OSBPL1A: variants seen among roughly 807,000 people sequenced by gnomAD.
The protein encoded by OSBPL1A is oxysterol-binding protein-related protein 1.
A neutral mutation model predicts 137.1 loss-of-function variants in OSBPL1A; 80 were observed. The ratio of observed to expected loss-of-function variants is 0.58; its 90% CI spans 0.49 to 0.70. OSBPL1A has a LOEUF of 0.70. Ranked by LOEUF, OSBPL1A falls within the 30% of genes least tolerant of loss-of-function variation. OSBPL1A has a pLI of 0.00. For missense variants in OSBPL1A, 970 were observed against 1,129.4 expected (o/e 0.86, Z 2.02); for synonymous variants, 365 against 389.7 (o/e 0.94, Z 0.75).
intron 5 of OSBPL1A, 76 bp from the exon 6 acceptor site, chr18:24,334,406 C>A: frequency 1.6e-6 from 2 of 1,222,256 alleles, no homozygotes; most frequent in South Asian, 1.6e-5. Context: ...ATAAAGTGAT[C>A]ATGATGAGAA....
chr18:24,235,363 T>A (rs996242406), intron 16 of OSBPL1A, among the ~76,000 whole-genome samples: 2 of 152,178 alleles, frequency 1.3e-5, no homozygotes, highest in African/African-American at 4.8e-5. Flanking sequence ...TATGACCCAT[T>A]TGCAGATGAA....
intron 14 of OSBPL1A, among the ~76,000 whole-genome samples, chr18:24,301,942 A>G (rs1164953461): frequency 6.6e-6 from 1 of 152,208 alleles, no homozygotes; most frequent in Admixed American, 6.5e-5. Context: ...AAAATAGTTA[A>G]TCATGGCCGG....
rs1233264916 is a variant in OSBPL1A, at chr18:24,250,174, G to GTTTTTTTT, written c.1282-10793_1282-10792insAAAAAAAA. Among the ~76,000 whole-genome samples, 377 of 75,256 alleles carry GTTTTTTTT rather than the reference G, an allele frequency of 5.0e-3. 15 individuals are homozygous for GTTTTTTTT. Among genetic ancestry groups the GTTTTTTTT allele is most frequent in the Non-Finnish European group, 7.1e-3 (274 of 38,772 alleles). The allele number at this position is 75,256 out of a possible 152,430, so 49.4% of individuals were successfully genotyped here. A position where few individuals can be genotyped will look rare whatever the true frequency, so the allele number is the denominator to read the frequency against. ...TGTGTTTTTGTTTGTTTGTTTGTTT[G>GTTTTTTTT]TTTGTTTGTTTGTTTTTTTTGACAT... On this transcript the variant is annotated intron_variant, in intron 15 of 27. Transcript: ENST00000319481.
chr18:24,195,631 C>A (rs1304368794), intron 18 of OSBPL1A, among the ~76,000 whole-genome samples: 1 of 152,124 alleles, frequency 6.6e-6, no homozygotes, highest in East Asian at 1.9e-4. Flanking sequence ...TCAAGGGAAT[C>A]CAAGGATTTC....
At chr18:24,311,690 A>G (rs1285245599) in intron 13 of OSBPL1A, among the ~76,000 whole-genome samples, 1 of 152,234 alleles carries the variant, frequency 6.6e-6, no homozygotes, top group Non-Finnish European at 1.5e-5. Context: ...TCCTCGCAGC[A>G]ACTTTCAAAC....
At chr18:24,252,115 C>T (rs12454363) in intron 15 of OSBPL1A, among the ~76,000 whole-genome samples, 3,944 of 151,630 alleles carry the variant, frequency 0.026, 75 homozygotes, top group Non-Finnish European at 0.039. Flanking sequence ...TGTTACTGGC[C>T]CTAAAGAGGA....
chr18:24,171,819 T>G (rs568149097), intron 22 of OSBPL1A, among the ~76,000 whole-genome samples: 1 of 152,328 alleles, frequency 6.6e-6, no homozygotes, highest in East Asian at 1.9e-4. Context: ...AGATTGGAAT[T>G]AAGGTTCACA....
Position 24,266,892 on chromosome 18 carries a change from TAATA to T in OSBPL1A, c.1281+13946_1281+13949del, listed in dbSNP as rs536200219. On this transcript the variant is annotated intron_variant, in intron 15 of 27. Coordinates refer to ENST00000319481, the MANE Select transcript of OSBPL1A (RefSeq NM_080597.4). Reference sequence around the variant, plus strand: ...TTATCCAGGTTCAAAAGACAGAGGATAATAAATGTTCTAAAGAAAAAAATAAAAC... The same window carrying T: ...TTATCCAGGTTCAAAAGACAGAGGATAATGTTCTAAAGAAAAAAATAAAAC... 5.1e-3 allele frequency among the ~76,000 whole-genome samples: 774 copies of T among 152,180 alleles called. 6 individuals carry two copies. Among genetic ancestry groups the T allele is most frequent in the African/African-American group, 0.017 (707 of 41,532 alleles).
intron 20 of OSBPL1A, among the ~76,000 whole-genome samples, chr18:24,178,423 T>G (rs931290983): frequency 1.3e-5 from 2 of 151,890 alleles, no homozygotes; most frequent in African/African-American, 4.8e-5. Context: ...TCTCGACTAA[T>G]TGGGATTACA....
chr18:24,303,854 A>T (rs1221040590), intron 13 of OSBPL1A, 136 bp from the exon 14 acceptor site: 1 of 618,712 alleles, frequency 1.6e-6, no homozygotes, highest in Non-Finnish European at 2.8e-6. Context: ...AAAGAAAAGA[A>T]AAAGGTGAGA....
At chr18:24,252,419 T>C (rs2089123250) in intron 15 of OSBPL1A, among the ~76,000 whole-genome samples, 2 of 152,050 alleles carry the variant, frequency 1.3e-5, no homozygotes, top group South Asian at 4.1e-4. Flanking sequence ...AGTGGTGTGA[T>C]ATATTTAAAG....
chr18:24,267,738 T>TA (rs1010792843), intron 15 of OSBPL1A, among the ~76,000 whole-genome samples: 11 of 151,518 alleles, frequency 7.3e-5, no homozygotes, highest in Admixed American at 1.3e-4. Flanking sequence ...CCTTTAATGA[T>TA]AAAAAAAATT....
chr18:24,188,918 T>TA (rs1241143780), intron 18 of OSBPL1A, among the ~76,000 whole-genome samples: 2 of 152,346 alleles, frequency 1.3e-5, no homozygotes, highest in East Asian at 3.9e-4. Flanking sequence ...ATTCTCTAGA[T>TA]AATGTATACA....
At chr18:24,239,006 A>C (rs1017272999) in intron 16 of OSBPL1A, among the ~76,000 whole-genome samples, 3 of 152,238 alleles carry the variant, frequency 2.0e-5, no homozygotes, top group African/African-American at 4.8e-5. Flanking sequence ...ATAGGCAGAG[A>C]CTGTGATGAA....
At chr18:24,298,645 G>A (rs1161395689) in intron 14 of OSBPL1A, among the ~76,000 whole-genome samples, 1 of 152,084 alleles carries the variant, frequency 6.6e-6, no homozygotes, top group Non-Finnish European at 1.5e-5. Flanking sequence ...GCGCCTGGCC[G>A]CCCTGAAATC....
intron 7 of OSBPL1A, among the ~76,000 whole-genome samples, chr18:24,328,218 AT>A (rs564798076): frequency 0.019 from 920 of 48,588 alleles, 15 homozygotes; most frequent in African/African-American, 0.076. Flanking sequence ...AATTTTTTGT[AT>A]TTTTTTTTTT....
chr18:24,233,278 A>T (rs745862969), intron 16 of OSBPL1A, among the ~76,000 whole-genome samples: 61 of 152,202 alleles, frequency 4.0e-4, no homozygotes, highest in Admixed American at 1.1e-3. Flanking sequence ...ACTAATTTTC[A>T]TCTGCCCCCT....
chr18:24,336,593 T>C (rs2091179632), intron 5 of OSBPL1A, among the ~76,000 whole-genome samples: 1 of 152,244 alleles, frequency 6.6e-6, no homozygotes, highest in Non-Finnish European at 1.5e-5. Context: ...TCAATAAATA[T>C]TCCTAAAGCA....
intron 15 of OSBPL1A, among the ~76,000 whole-genome samples, chr18:24,279,956 A>AT (rs144544349): frequency 0.29 from 44,229 of 150,752 alleles, 7,790 homozygotes; most frequent in Middle Eastern, 0.43. Flanking sequence ...TCTCTGGCTG[A>AT]TTTTTTTTTG....
Sources: allele counts gnomAD v4.1 joint callset (sites outside exome capture counted in the v4.1 genomes callset), GRCh38; gene constraint gnomAD v4.1.1; transcripts MANE v1.5; gene names NCBI Gene and HGNC (gene_info 2026-07-23, HGNC 2026-07-21).